FBN1: variants seen among roughly 807,000 people sequenced by gnomAD.
The protein encoded by FBN1 is fibrillin-1.
FBN1 carries 29 observed loss-of-function variants against 365.1 expected under a neutral mutation model. The observed-to-expected ratio is 0.08, with a 90% CI of 0.06 to 0.11. The LOEUF (loss-of-function observed/expected upper bound fraction) is 0.11, where lower values mean the gene tolerates loss of function less well. Among genes scored for constraint, FBN1 ranks in the 10% least tolerant of loss-of-function variants. The pLI, the probability that FBN1 is intolerant of heterozygous loss-of-function variation, is 1.00. For synonymous variants in FBN1, 1,210 were observed against 1,270.5 expected, an observed-to-expected ratio of 0.95 and a Z score of 1.01; for missense variants, 2,476 against 3,703.2, an observed-to-expected ratio of 0.67 and a Z score of 8.60.
intron 38 of FBN1, among the ~76,000 whole-genome samples, chr15:48,466,283 C>T (rs2043321138): frequency 6.6e-6 from 1 of 152,182 alleles, no homozygotes; most frequent in Non-Finnish European, 1.5e-5. Flanking sequence ...AAACCCTTTC[C>T]AAATAGAGCC....
intron 2 of FBN1, among the ~76,000 whole-genome samples, chr15:48,637,435 G>C (rs1461118230): frequency 6.6e-6 from 1 of 152,108 alleles, no homozygotes; most frequent in African/African-American, 2.4e-5. Context: ...ATTGCTCAAG[G>C]TTGCAAACTG....
chr15:48,596,082 CTGACAAACA>C (rs1450499059), intron 6 of FBN1, among the ~76,000 whole-genome samples, 192 bp downstream of exon 6: 1 of 152,184 alleles, frequency 6.6e-6, no homozygotes, highest in Non-Finnish European at 1.5e-5. Context: ...TAAACTTGGA[CTGACAAACA>C]TTGCCGAATA....
intron 30 of FBN1, among the ~76,000 whole-genome samples, chr15:48,484,487 T>G (rs540096785): frequency 6.6e-5 from 10 of 152,190 alleles, no homozygotes; most frequent in African/African-American, 2.4e-4. Context: ...TTCTCCTGCC[T>G]CAGCCTCCCA....
At chr15:48,464,388 G>A (rs2141268224) in intron 40 of FBN1, among the ~76,000 whole-genome samples, 1 of 152,218 alleles carries the variant, frequency 6.6e-6, no homozygotes, top group Non-Finnish European at 1.5e-5. Context: ...GTGCACACCT[G>A]TAGTCCCAGC....
chr15:48,410,876 A>C lies in FBN1; in HGVS notation c.*114T>G, dbSNP rs1391683888. 5 of 1,097,376 alleles carry C rather than the reference A, an allele frequency of 4.6e-6. No homozygotes were observed. Among genetic ancestry groups the C allele is most frequent in the Non-Finnish European group, 6.6e-6 (5 of 759,242 alleles). 68.0% of individuals were successfully genotyped at this position (1,097,376 alleles called of 1,614,324 possible). ...ACAAAGAATAGTGCTTATTTATACA[A>C]ATTTACTTGGTGAAAGATTGTACCT... On this transcript the variant is annotated 3_prime_UTR_variant, in exon 66 of 66. Coordinates refer to ENST00000316623, the MANE Select transcript of FBN1 (RefSeq NM_000138.5).
chr15:48,621,090 A>G (rs764153317), intron 2 of FBN1, among the ~76,000 whole-genome samples: 4 of 152,378 alleles, frequency 2.6e-5, no homozygotes, highest in South Asian at 4.1e-4. Flanking sequence ...ATAAATATCC[A>G]TAAGTCCATA....
intron 17 of FBN1, among the ~76,000 whole-genome samples, chr15:48,503,573 C>T (rs1181442574): frequency 2.0e-5 from 3 of 152,150 alleles, no homozygotes; most frequent in African/African-American, 7.2e-5. Context: ...AGAGTTTATA[C>T]GAGAGGCACA....
At chr15:48,622,012 GA>G (rs1207855429) in intron 2 of FBN1, among the ~76,000 whole-genome samples, 1 of 149,822 alleles carries the variant, frequency 6.7e-6, no homozygotes, top group Non-Finnish European at 1.5e-5. Flanking sequence ...AAAAAAAAAA[GA>G]AAAAAATTGG....
Position 48,637,529 on chromosome 15 carries a change from G to A in FBN1, c.164+7077C>T, listed in dbSNP as rs73396375. ...CATGCCGTGCCAACCCTGCCCAACT[G>A]CAGTCAATGTCCTAAGACCTCAGAC... is the stretch of plus-strand genomic sequence containing the variant. On this transcript the variant is annotated intron_variant, in intron 2 of 65. Transcript: ENST00000316623. Among the ~76,000 whole-genome samples, 923 of 152,214 alleles carry A rather than the reference G, an allele frequency of 6.1e-3. 9 individuals are homozygous for A. The highest frequency in any genetic ancestry group is 0.022 in the African/African-American group (901 of 41,520).
At chr15:48,447,123 A>T (rs1309742131) in intron 46 of FBN1, among the ~76,000 whole-genome samples, 1 of 152,178 alleles carries the variant, frequency 6.6e-6, no homozygotes, top group African/African-American at 2.4e-5. Flanking sequence ...CACCCTTGCC[A>T]CTTTTCTCAA....
At chr15:48,634,837 C>G (rs1890059572) in intron 2 of FBN1, among the ~76,000 whole-genome samples, 1 of 64,456 alleles carries the variant, frequency 1.6e-5, no homozygotes, top group African/African-American at 1.2e-4. Context: ...GAAGAAGAAA[C>G]CAAAAAAAAA....
chr15:48,527,196 T>G (rs1237274248), intron 8 of FBN1, among the ~76,000 whole-genome samples: 2 of 152,238 alleles, frequency 1.3e-5, no homozygotes, highest in Non-Finnish European at 2.9e-5. Context: ...TCCTGAATGC[T>G]ATGGAGGCCA....
chr15:48,637,510 G>A (rs567146849), intron 2 of FBN1, among the ~76,000 whole-genome samples: 5 of 152,186 alleles, frequency 3.3e-5, no homozygotes, highest in African/African-American at 1.2e-4. Context: ...GAACCATGCC[G>A]TGCCAACCCT....
At chr15:48,499,432 T>C (rs2043636795) in intron 17 of FBN1, among the ~76,000 whole-genome samples, 1 of 152,252 alleles carries the variant, frequency 6.6e-6, no homozygotes, top group African/African-American at 2.4e-5. Flanking sequence ...TTCTCAGTGC[T>C]AGCTGTTTTT....
intron 10 of FBN1, among the ~76,000 whole-genome samples, chr15:48,517,669 G>A (rs2043816674): frequency 6.6e-6 from 1 of 152,046 alleles, no homozygotes; most frequent in South Asian, 2.1e-4. Context: ...TTTTCATGTT[G>A]CCTACAAATA....
At chr15:48,608,861 C>T (rs1485593316) in intron 4 of FBN1, among the ~76,000 whole-genome samples, 4 of 152,194 alleles carry the variant, frequency 2.6e-5, no homozygotes, top group African/African-American at 7.2e-5. Context: ...TGTTAACATC[C>T]TGTCTCCACA....
intron 6 of FBN1, among the ~76,000 whole-genome samples, chr15:48,554,623 T>C (rs533400676): frequency 6.6e-6 from 1 of 152,322 alleles, no homozygotes; most frequent in African/African-American, 2.4e-5. Flanking sequence ...ATTTTACTGC[T>C]TAGGTTGGGC....
rs374367686 is a variant in FBN1 at position 48,446,839 on chromosome 15, C to A, written c.5672-17G>T. 1.3e-6 allele frequency: 2 copies of A among 1,503,460 alleles called. No homozygotes were observed. The highest frequency in any genetic ancestry group is 2.7e-5 in the African/African-American group (2 of 72,788). 93.1% of individuals were successfully genotyped at this position (1,503,460 alleles called of 1,614,324 possible). On this transcript the variant is annotated splice_polypyrimidine_tract_variant and intron_variant, in intron 46 of 65. Coordinates refer to ENST00000316623, the MANE Select transcript of FBN1 (RefSeq NM_000138.5). ...CATTTATGTCTAGTAGGAAGAAAGG[C>A]CATAAAGAAACATAATTATAAGTAG...
chr15:48,554,879 C>T (rs1456990713), intron 6 of FBN1, among the ~76,000 whole-genome samples: 3 of 152,144 alleles, frequency 2.0e-5, no homozygotes, highest in Non-Finnish European at 4.4e-5. Context: ...TGTTTGTAAA[C>T]ACTATACAAG....
Sources: allele counts gnomAD v4.1 joint callset (sites outside exome capture counted in the v4.1 genomes callset), GRCh38; gene constraint gnomAD v4.1.1; transcripts MANE v1.5; gene names NCBI Gene and HGNC (gene_info 2026-07-23, HGNC 2026-07-21).